RNF38: variants seen among roughly 807,000 people sequenced by gnomAD.
RNF38 encodes ring finger protein 38, also known as E3 ubiquitin-protein ligase RNF38.
RNF38 carries 15 observed loss-of-function variants against 67.2 expected under a neutral mutation model. The ratio of observed to expected loss-of-function variants is 0.22; its 90% CI spans 0.15 to 0.34. The LOEUF is 0.34. Among genes scored for constraint, RNF38 ranks in the 10% least tolerant of loss-of-function variants. RNF38 has a pLI of 1.00. For missense variants in RNF38, 524 were observed against 639.9 expected, an observed-to-expected ratio of 0.82 and a Z score of 1.95; for synonymous variants, 220 against 218.8, an observed-to-expected ratio of 1.01 and a Z score of -0.05.
At chr9:36,398,543 C>T (rs1837725632) in intron 1 of RNF38, among the ~76,000 whole-genome samples, 1 of 152,132 alleles carries the variant, frequency 6.6e-6, no homozygotes, top group Non-Finnish European at 1.5e-5. Flanking sequence ...AGTATTAATG[C>T]TTTATCTCCT....
In RNF38 at chr9:36,337,301, AAAGAC is replaced by A. The variant is rs1387676297; in HGVS notation, c.*2446_*2450del. ...GCACACATCTCTATGAGCCCCATGC[AAAGAC>A]AAGACATTCCCAAAGATCAGTCACT... On this transcript the variant is annotated 3_prime_UTR_variant, in exon 12 of 12. Coordinates refer to ENST00000259605, the MANE Select transcript of RNF38 (RefSeq NM_022781.5). The A allele has an allele frequency of 6.6e-6, 1 of 152,608 alleles. No individual in the cohort carries two copies. Among genetic ancestry groups the A allele is most frequent in the Non-Finnish European group, 1.5e-5 (1 of 68,060 alleles). 9.5% of individuals were successfully genotyped at this position (152,608 alleles called of 1,614,324 possible). A position where few individuals can be genotyped will look rare whatever the true frequency, so the allele number is the denominator to read the frequency against.
At chr9:36,487,343 T>C (rs1354980116) in exon 1 of RNF38, 1 of 984,802 alleles carries the variant, frequency 1.0e-6, no homozygotes, top group East Asian at 1.1e-4. Context: ...GCCGCCACCC[T>C]GGGCTCCCGC....
chr9:36,446,428 G>T (rs1488457563), intron 1 of RNF38, among the ~76,000 whole-genome samples: 1 of 152,104 alleles, frequency 6.6e-6, no homozygotes, highest in African/African-American at 2.4e-5. Flanking sequence ...AGAAAATTTG[G>T]GACAAGGGAA....
chr9:36,485,866 T>G (rs561354501), intron 1 of RNF38, among the ~76,000 whole-genome samples: 1 of 152,284 alleles, frequency 6.6e-6, no homozygotes, highest in East Asian at 1.9e-4. Flanking sequence ...GTCTGCATCC[T>G]TAGAACAAGA....
At chr9:36,470,161 G>C (rs1188297612) in intron 1 of RNF38, among the ~76,000 whole-genome samples, 4 of 152,126 alleles carry the variant, frequency 2.6e-5, no homozygotes, top group Non-Finnish European at 5.9e-5. Flanking sequence ...ACCCAGTGAG[G>C]TGAATCAAAA....
chr9:36,400,638 C>A (rs532925775), upstream of RNF38: 171 of 985,780 alleles, frequency 1.7e-4, no homozygotes, highest in African/African-American at 2.5e-3. Context: ...CTCGCCCAGC[C>A]CGCGGCCAGC....
intron 8 of RNF38, among the ~76,000 whole-genome samples, chr9:36,351,526 T>C (rs773271983): frequency 1.4e-4 from 21 of 152,204 alleles, no homozygotes; most frequent in Non-Finnish European, 2.1e-4. Flanking sequence ...ACTCACATGC[T>C]GATTTAAAAA....
chr9:36,397,695 A>G (rs1837642827), intron 1 of RNF38, among the ~76,000 whole-genome samples: 1 of 152,234 alleles, frequency 6.6e-6, no homozygotes. Context: ...AAGAAAACAG[A>G]TGCAACGAAA....
chr9:36,357,764 T>G lies in RNF38; in HGVS notation c.738+11A>C. ...TAGTAATATCTAATGAGAACAAAGATAGAGACTTACTGGAGGAGGCACACT... is the reference window on the plus strand; with the variant it reads ...TAGTAATATCTAATGAGAACAAAGAGAGAGACTTACTGGAGGAGGCACACT... On this transcript the variant is annotated intron_variant, in intron 5 of 11. Coordinates refer to ENST00000259605, the MANE Select transcript of RNF38 (RefSeq NM_022781.5). The G allele has an allele frequency of 6.2e-7, 1 of 1,611,462 alleles. No homozygotes were observed. Among genetic ancestry groups the G allele is most frequent in the Non-Finnish European group, 8.5e-7 (1 of 1,178,272 alleles).
chr9:36,406,470 G>A (rs1046708350), intron 2 of RNF38, among the ~76,000 whole-genome samples: 5 of 152,292 alleles, frequency 3.3e-5, no homozygotes, highest in East Asian at 1.9e-4. Flanking sequence ...CTCTATTGCC[G>A]AGTTAGTGGC....
chr9:36,428,597 A>G (rs1838850481), intron 1 of RNF38, among the ~76,000 whole-genome samples: 1 of 152,142 alleles, frequency 6.6e-6, no homozygotes, highest in South Asian at 2.1e-4. Flanking sequence ...AGAAGGCCAT[A>G]CTTAAAAAGT....
chr9:36,442,034 T>G (rs949798495), intron 1 of RNF38, among the ~76,000 whole-genome samples: 2 of 152,176 alleles, frequency 1.3e-5, no homozygotes, highest in African/African-American at 4.8e-5. Flanking sequence ...GTCATTCCCC[T>G]ACATAGGAAC....
intron 6 of RNF38, among the ~76,000 whole-genome samples, chr9:36,353,903 C>T (rs1249991942): frequency 1.3e-5 from 2 of 152,084 alleles, no homozygotes; most frequent in Admixed American, 6.5e-5. Context: ...TCTATAAAAC[C>T]GGCATGCTCA....
chr9:36,448,833 G>A (rs1839369452), intron 1 of RNF38, among the ~76,000 whole-genome samples: 1 of 151,712 alleles, frequency 6.6e-6, no homozygotes, highest in East Asian at 1.9e-4. Context: ...GTGAAACCCT[G>A]TCTCTATTAA....
At chr9:36,443,674 C>CA (rs1336549802) in intron 1 of RNF38, among the ~76,000 whole-genome samples, 1 of 151,624 alleles carries the variant, frequency 6.6e-6, no homozygotes, top group African/African-American at 2.4e-5. Flanking sequence ...AATTAAAATG[C>CA]AAAAAAGAAA....
intron 9 of RNF38, 95 bp from the exon 10 acceptor site, chr9:36,345,048 C>A: frequency 1.5e-6 from 2 of 1,357,084 alleles, no homozygotes; most frequent in East Asian, 2.4e-5. Flanking sequence ...CTATGTTGCC[C>A]AGGCTAGAGT....
chr9:36,367,569 A>G (rs1324633543), intron 4 of RNF38, among the ~76,000 whole-genome samples: 1 of 150,034 alleles, frequency 6.7e-6, no homozygotes, highest in Non-Finnish European at 1.5e-5. Flanking sequence ...CCAACAGGTT[A>G]TTCTTTTTTC....
Position 36,337,769 on chromosome 9 carries a change from T to C in RNF38, c.*1983A>G, listed in dbSNP as rs1032671691. 2 of 152,606 alleles carry C rather than the reference T, an allele frequency of 1.3e-5. No individual in the cohort carries two copies. The highest frequency in any genetic ancestry group is 2.9e-5 in the Non-Finnish European group (2 of 68,038). The allele number at this position is 152,606 out of a possible 1,614,324, so 9.5% of individuals were successfully genotyped here. On this transcript the variant is annotated 3_prime_UTR_variant, in exon 12 of 12. Coordinates refer to ENST00000259605, the MANE Select transcript of RNF38 (RefSeq NM_022781.5). Reference sequence around the variant, plus strand: ...CAGGAACAGGTGAGGGATATCCTAATGATTTAAAAGTAACATGTGCATTAA... The same window carrying C: ...CAGGAACAGGTGAGGGATATCCTAACGATTTAAAAGTAACATGTGCATTAA...
chr9:36,447,032 CAGG>C (rs1359821466), intron 1 of RNF38, among the ~76,000 whole-genome samples: 1 of 148,778 alleles, frequency 6.7e-6, no homozygotes, highest in Non-Finnish European at 1.5e-5. Context: ...GAGGCTGAGG[CAGG>C]AGAATTGCTT....
Sources: gnomAD v4.1 joint callset for allele counts (sites outside exome capture counted in the v4.1 genomes callset) on GRCh38, gnomAD v4.1.1 for gene constraint, MANE v1.5 for transcripts, NCBI Gene and HGNC (gene_info 2026-07-23, HGNC 2026-07-21) for gene names.